THSD7A: variants seen among roughly 807,000 people sequenced by gnomAD.
THSD7A encodes thrombospondin type 1 domain containing 7A.
A neutral mutation model predicts 231.3 loss-of-function variants in THSD7A; 96 were observed. The ratio of observed to expected loss-of-function variants is 0.41; its 90% CI spans 0.35 to 0.49. The LOEUF is 0.49. Among genes scored for constraint, THSD7A ranks in the 20% least tolerant of loss-of-function variants. The pLI is 0.05. For synonymous variants in THSD7A, 940 were observed against 743.3 expected, an observed-to-expected ratio of 1.26 and a Z score of -4.30; for missense variants, 2,290 against 2,070.2, an observed-to-expected ratio of 1.11 and a Z score of -2.06.
At chr7:11,805,398 T>C (rs1044185016) in intron 1 of THSD7A, among the ~76,000 whole-genome samples, 2 of 152,108 alleles carry the variant, frequency 1.3e-5, no homozygotes, top group Non-Finnish European at 2.9e-5. Flanking sequence ...TATATCTTGT[T>C]AATGTAATGT....
At chr7:11,471,763 C>T (rs926688643) in intron 8 of THSD7A, among the ~76,000 whole-genome samples, 1 of 151,988 alleles carries the variant, frequency 6.6e-6, no homozygotes, top group Admixed American at 6.6e-5. Context: ...GATTATAAAT[C>T]AGTAGAATTA....
chr7:11,699,936 G>A (rs569592969), intron 1 of THSD7A, among the ~76,000 whole-genome samples: 7 of 151,372 alleles, frequency 4.6e-5, no homozygotes, highest in East Asian at 2.0e-4. Context: ...TACCCTGGAC[G>A]AAATCTAAAA....
intron 1 of THSD7A, among the ~76,000 whole-genome samples, chr7:11,763,669 T>A (rs78694538): frequency 2.0e-5 from 3 of 152,172 alleles, no homozygotes; most frequent in Non-Finnish European, 2.9e-5. Context: ...TTAGTTTTTT[T>A]AATCACAATA....
intron 6 of THSD7A, among the ~76,000 whole-genome samples, chr7:11,514,079 A>C (rs1050365135): frequency 6.6e-6 from 1 of 151,880 alleles, no homozygotes; most frequent in Non-Finnish European, 1.5e-5. Context: ...CAATCCCCAC[A>C]GTTGCCTTTA....
chr7:11,777,459 A>T (rs10225622), intron 1 of THSD7A, among the ~76,000 whole-genome samples: 76,021 of 148,542 alleles, frequency 0.51, 19,372 homozygotes, highest in East Asian at 0.63. Flanking sequence ...ACACACACAC[A>T]CTCTTTAACT....
intron 13 of THSD7A, 131 bp downstream of exon 13, chr7:11,445,930 A>G: frequency 9.1e-7 from 1 of 1,098,470 alleles, no homozygotes; most frequent in Non-Finnish European, 1.3e-6. Context: ...ATATATGTAT[A>G]GTGTGGTGCT....
In THSD7A at chr7:11,460,697, G is replaced by C; in HGVS notation, c.2570C>G (p.Ala857Gly). ...PWSVQQDSPG[A>G]QEGCGPGRQA... The stretch of plus-strand genomic sequence containing the variant: ...TCGCCCAGGCCCACAGCCTTCCTGT[G>C]CTCCAGGGCTGTCTTGTTGCACGCT... The change falls in exon 11 of 28, where the codon GCA (alanine) becomes GGA (glycine). Residue 857 changes from alanine (A) to glycine (G), a missense_variant. By Grantham distance (60) the Ala-to-Gly change is moderately conservative (BLOSUM62 0). Coordinates refer to ENST00000423059, the MANE Select transcript of THSD7A (RefSeq NM_015204.3). The C allele has an allele frequency of 6.2e-7, 1 of 1,611,942 alleles. No individual in the cohort carries two copies. Among genetic ancestry groups the C allele is most frequent in the Admixed American group, 1.7e-5 (1 of 59,804 alleles).
chr7:11,376,429 C>A, intron 27 of THSD7A, 141 bp downstream of exon 27: 1 of 640,254 alleles, frequency 1.6e-6, no homozygotes, highest in Non-Finnish European at 2.5e-6. Context: ...AGCTTTTAGC[C>A]CATCTAGGAC....
rs1016595453 is a variant in THSD7A, at chr7:11,707,178, C to A, written c.191-70217G>T. ...CCACTTTCAAGTAGGCCTCTGAATT[C>A]TCTTCTTTAGCCATAATACCAGTGA... is the stretch of plus-strand genomic sequence containing the variant. On this transcript the variant is annotated intron_variant, in intron 1 of 27. Transcript: ENST00000423059. Among the ~76,000 whole-genome samples the A allele has an allele frequency of 1.3e-4, 20 of 150,862 alleles. 1 individual carries two copies. Among genetic ancestry groups the A allele is most frequent in the African/African-American group, 2.4e-5 (1 of 41,282 alleles).
chr7:11,433,394 A>G (rs947793101), intron 13 of THSD7A, among the ~76,000 whole-genome samples: 3 of 152,036 alleles, frequency 2.0e-5, no homozygotes, highest in Non-Finnish European at 4.4e-5. Context: ...TTTTCTTTAA[A>G]TAAGTTATAG....
At chr7:11,503,472 C>T (rs960289686) in intron 6 of THSD7A, among the ~76,000 whole-genome samples, 4 of 152,128 alleles carry the variant, frequency 2.6e-5, no homozygotes, top group Admixed American at 6.5e-5. Context: ...TCTAATTAAA[C>T]TTAAGAGCTT....
intron 4 of THSD7A, among the ~76,000 whole-genome samples, chr7:11,551,090 C>A (rs1030657464): frequency 6.6e-6 from 1 of 151,914 alleles, no homozygotes; most frequent in Non-Finnish European, 1.5e-5. Flanking sequence ...AAAACCAATA[C>A]GGAAAGGACT....
At position 11,636,956 on chromosome 7, in the gene THSD7A, A is replaced by G; in HGVS notation, c.196T>C (p.Trp66Arg). The G allele has an allele frequency of 6.3e-7, 1 of 1,598,522 alleles. No homozygotes were observed. The highest frequency in any genetic ancestry group is 8.5e-7 in the Non-Finnish European group (1 of 1,173,638). ...PTLYLWKTGP[W>R]GRCMGDECGP... ...CATTCATCTCCCATACATCGGCCCCATGGACCTACAAAAATTATAACACAA... is the reference window on the plus strand; with the variant it reads ...CATTCATCTCCCATACATCGGCCCCGTGGACCTACAAAAATTATAACACAA... Residue 66 changes from tryptophan (W) to arginine (R), a missense_variant, in exon 2 of 28, where the codon TGG becomes CGG. Coordinates refer to ENST00000423059, the MANE Select transcript of THSD7A (RefSeq NM_015204.3). The surrounding 1 kb of genome is among the most constrained non-coding windows in gnomAD (Gnocchi z 10.0).
At chr7:11,458,486 AT>A (rs1785386015) in intron 11 of THSD7A, among the ~76,000 whole-genome samples, 1 of 152,200 alleles carries the variant, frequency 6.6e-6, no homozygotes, top group Non-Finnish European at 1.5e-5. Context: ...TTATGAATAT[AT>A]CACTTGTTAT....
At chr7:11,465,827 A>C (rs1466714260) in intron 9 of THSD7A, among the ~76,000 whole-genome samples, 1 of 152,168 alleles carries the variant, frequency 6.6e-6, no homozygotes, top group Non-Finnish European at 1.5e-5. Context: ...ATATTATTTG[A>C]TCAAAAGTAT....
intron 23 of THSD7A, among the ~76,000 whole-genome samples, chr7:11,401,543 G>A (rs1052280173): frequency 7.9e-5 from 12 of 152,038 alleles, no homozygotes; most frequent in African/African-American, 2.7e-4. Context: ...TCAGCCTCCT[G>A]AGTAGCTTGG....
rs1782197189 is a variant in THSD7A, at chr7:11,374,732, G to C, written c.*1062C>G. ...GAATCCACCTTTTAGAGGGTTAAGG[G>C]GTTAGGGACTTCAACACTTAAATTA... On this transcript the variant is annotated 3_prime_UTR_variant, in exon 28 of 28. Transcript: ENST00000423059. 2 of 151,898 alleles carry C rather than the reference G, an allele frequency of 1.3e-5. No homozygotes were observed. The highest frequency in any genetic ancestry group is 6.6e-5 in the Admixed American group (1 of 15,196). The allele number at this position is 151,898 out of a possible 1,614,324, so 9.4% of individuals were successfully genotyped here.
At chr7:11,469,809 C>T (rs1426486081) in intron 9 of THSD7A, 70 bp downstream of exon 9, 1 of 1,040,246 alleles carries the variant, frequency 9.6e-7, no homozygotes, top group Non-Finnish European at 1.5e-6. Flanking sequence ...CATTGCTAGG[C>T]CAGAAGACCT....
chr7:11,811,964 G>C (rs1784538674), intron 1 of THSD7A, among the ~76,000 whole-genome samples: 3 of 152,114 alleles, frequency 2.0e-5, no homozygotes, highest in African/African-American at 7.2e-5. Context: ...GAAATTAAAA[G>C]TATACTGCAA....
Sources: allele counts gnomAD v4.1 joint callset (sites outside exome capture counted in the v4.1 genomes callset), GRCh38; gene constraint gnomAD v4.1.1; non-coding constraint Gnocchi (gnomAD v3.1); transcripts MANE v1.5; gene names NCBI Gene and HGNC (gene_info 2026-07-23, HGNC 2026-07-21).